PRKN: variants seen among roughly 807,000 people sequenced by gnomAD.
PRKN encodes parkin RBR E3 ubiquitin protein ligase, also known as E3 ubiquitin-protein ligase parkin.
Under a neutral mutation model 59.5 loss-of-function variants are expected in PRKN, and 56 were observed. The observed-to-expected ratio is 0.94, with a 90% CI of 0.76 to 1.18. The LOEUF (loss-of-function observed/expected upper bound fraction) is 1.18. Ranked by LOEUF, PRKN falls within the 50% of genes most tolerant of loss-of-function variation. PRKN has a pLI of 0.00. For missense variants in PRKN, 657 were observed against 596.4 expected, an observed-to-expected ratio of 1.10 and a Z score of -1.06; for synonymous variants, 250 against 222.1, an observed-to-expected ratio of 1.13 and a Z score of -1.12.
At chr6:162,430,961 C>A (rs1393473079) in intron 2 of PRKN, among the ~76,000 whole-genome samples, 1 of 152,058 alleles carries the variant, frequency 6.6e-6, no homozygotes, top group Non-Finnish European at 1.5e-5. Flanking sequence ...GATAAGGAAG[C>A]AAATTCCAGT....
chr6:162,340,764 A>G (rs541435671), intron 2 of PRKN, among the ~76,000 whole-genome samples: 1 of 152,326 alleles, frequency 6.6e-6, no homozygotes, highest in Admixed American at 6.5e-5. Flanking sequence ...CTTACATCTT[A>G]TACAAAAATT....
chr6:162,414,817 G>A (rs545521730), intron 2 of PRKN, among the ~76,000 whole-genome samples: 1 of 151,594 alleles, frequency 6.6e-6, no homozygotes, highest in Non-Finnish European at 1.5e-5. Flanking sequence ...TATATAGTGA[G>A]CATTCTTAAA....
rs191216196 is a variant in PRKN at position 162,067,130 on chromosome 6, G to A, written c.535-12956C>T. On this transcript the variant is annotated intron_variant, in intron 4 of 11. Coordinates refer to ENST00000366898, the MANE Select transcript of PRKN (RefSeq NM_004562.3). ...AACCACAAGTTCAAGGTTATACAACGTAGAGCAACAATATAGAAAGAGTCT... is the reference window on the plus strand; with the variant it reads ...AACCACAAGTTCAAGGTTATACAACATAGAGCAACAATATAGAAAGAGTCT... Among the ~76,000 whole-genome samples, 168 of 152,134 alleles carry A rather than the reference G, an allele frequency of 1.1e-3. 1 individual carries two copies. Among genetic ancestry groups the A allele is most frequent in the African/African-American group, 3.9e-3 (161 of 41,512 alleles).
At chr6:162,043,982 C>T (rs1211594383) in intron 5 of PRKN, among the ~76,000 whole-genome samples, 1 of 152,174 alleles carries the variant, frequency 6.6e-6, no homozygotes, top group East Asian at 1.9e-4. Flanking sequence ...AAAAGAGTGG[C>T]ACTTCTACCC....
Position 162,374,240 on chromosome 6 carries a change from G to A in PRKN, c.171+69070C>T, listed in dbSNP as rs9364651. Among the ~76,000 whole-genome samples the A allele has an allele frequency of 1.1e-3, 171 of 152,276 alleles. 3 individuals are homozygous for A. In the East Asian group the frequency reaches 0.023, roughly 20 times the overall value. On this transcript the variant is annotated intron_variant, in intron 2 of 11. Transcript: ENST00000366898. Reference sequence around the variant, plus strand: ...TCACTATTATAAACATATTCACACAGTTTTAAATTTTATTGGGAAGTAGTT... The same window carrying A: ...TCACTATTATAAACATATTCACACAATTTTAAATTTTATTGGGAAGTAGTT...
intron 3 of PRKN, among the ~76,000 whole-genome samples, chr6:162,253,107 G>A (rs6920131): frequency 0.22 from 33,566 of 152,130 alleles, 4,558 homozygotes; most frequent in African/African-American, 0.37. Flanking sequence ...ACTATGTTAA[G>A]AGAGTACTTT....
intron 3 of PRKN, among the ~76,000 whole-genome samples, chr6:162,204,171 GT>G (rs576143644): frequency 2.0e-3 from 297 of 152,166 alleles, no homozygotes; most frequent in African/African-American, 6.6e-3. Flanking sequence ...TTATTTTGTA[GT>G]TCTATTCATA....
intron 3 of PRKN, among the ~76,000 whole-genome samples, chr6:162,207,544 G>A (rs907648239): frequency 1.5e-4 from 23 of 152,132 alleles, no homozygotes; most frequent in African/African-American, 3.6e-4. Flanking sequence ...GCAGCCAACC[G>A]ATTCACTTGA....
chr6:162,720,789 G>A (rs907781728), intron 1 of PRKN, among the ~76,000 whole-genome samples: 23 of 152,200 alleles, frequency 1.5e-4, no homozygotes, highest in Non-Finnish European at 2.9e-5. Flanking sequence ...TATGAGTCAT[G>A]CAGATATCTA....
chr6:161,568,180 A>G (rs952776990), intron 8 of PRKN, among the ~76,000 whole-genome samples: 1 of 152,214 alleles, frequency 6.6e-6, no homozygotes, highest in African/African-American at 2.4e-5. Flanking sequence ...TTACTTTGCC[A>G]CATACATACA....
chr6:162,343,288 A>T (rs941459204), intron 2 of PRKN, among the ~76,000 whole-genome samples: 4 of 152,172 alleles, frequency 2.6e-5, no homozygotes, highest in Admixed American at 2.0e-4. Flanking sequence ...TAAAATGATA[A>T]TACCTTTATA....
At chr6:161,511,125 A>G (rs993458436) in intron 9 of PRKN, among the ~76,000 whole-genome samples, 1 of 152,364 alleles carries the variant, frequency 6.6e-6, no homozygotes. Context: ...GTAAACAATG[A>G]CATCGTTTAC....
chr6:162,364,962 C>CCTCT (rs537201683), intron 2 of PRKN, among the ~76,000 whole-genome samples: 1 of 143,876 alleles, frequency 7.0e-6, no homozygotes, highest in South Asian at 2.2e-4. Context: ...CTCTCTTCTC[C>CCTCT]CTCTCTCTCT....
rs964040728 is a variant in PRKN, at chr6:161,900,286, G to T, written c.734+73016C>A. 2.7e-5 allele frequency among the ~76,000 whole-genome samples: 4 copies of T among 150,928 alleles called. No homozygotes were observed. In the Admixed American group the frequency reaches 2.7e-4, roughly 10 times the overall value. ...AGGTGAGATGTGAACGTGTTGAAAT[G>T]GAAGTGAGAGGGAGTCCACTGAGAA... On this transcript the variant is annotated intron_variant, in intron 6 of 11. Coordinates refer to ENST00000366898, the MANE Select transcript of PRKN (RefSeq NM_004562.3).
intron 2 of PRKN, among the ~76,000 whole-genome samples, chr6:162,348,151 G>A (rs747087086): frequency 1.1e-4 from 16 of 152,188 alleles, no homozygotes; most frequent in Non-Finnish European, 1.9e-4. Context: ...GTAAGGAACA[G>A]TGCCTCTTAT....
intron 1 of PRKN, among the ~76,000 whole-genome samples, chr6:162,679,705 T>C (rs1779696072): frequency 6.6e-6 from 1 of 152,176 alleles, no homozygotes; most frequent in Non-Finnish European, 1.5e-5. Context: ...AAATGTTCCC[T>C]GATATTATGT....
rs137941356 is a variant in PRKN, at chr6:161,792,333, T to A, written c.735-6425A>T. Among the ~76,000 whole-genome samples the A allele has an allele frequency of 2.6e-4, 40 of 152,244 alleles. 1 individual carries two copies. Among genetic ancestry groups the A allele is most frequent in the Middle Eastern group, 3.4e-3 (1 of 294 alleles). ...TGAAGACCAGAAAAGAATTCATGAATGTAGGGGCATTTGAAAAACGGTCAG... is the reference window on the plus strand; with the variant it reads ...TGAAGACCAGAAAAGAATTCATGAAAGTAGGGGCATTTGAAAAACGGTCAG... On this transcript the variant is annotated intron_variant, in intron 6 of 11. Transcript: ENST00000366898.
intron 1 of PRKN, among the ~76,000 whole-genome samples, chr6:162,572,946 C>T (rs1780407634): frequency 6.6e-6 from 1 of 152,144 alleles, no homozygotes; most frequent in Non-Finnish European, 1.5e-5. Context: ...CACCCCCTGT[C>T]ATTAATAAAG....
intron 9 of PRKN, among the ~76,000 whole-genome samples, chr6:161,441,540 G>A (rs1789225458): frequency 6.6e-6 from 1 of 151,866 alleles, no homozygotes; most frequent in Admixed American, 6.6e-5. Flanking sequence ...AGCTACTCGG[G>A]AGGCCAAGGC....
Sources: gnomAD v4.1 joint callset for allele counts (sites outside exome capture counted in the v4.1 genomes callset) on GRCh38, gnomAD v4.1.1 for gene constraint, MANE v1.5 for transcripts, NCBI Gene and HGNC (gene_info 2026-07-23, HGNC 2026-07-21) for gene names.